CELF2: variants seen among roughly 807,000 people sequenced by gnomAD.
CELF2 encodes the protein CUG triplet repeat RNA-binding protein 2.
In CELF2, 8 loss-of-function variants were observed where a neutral mutation model predicts 62.6. That is an observed-to-expected ratio of 0.13 (90% confidence interval 0.07 to 0.23). The LOEUF (loss-of-function observed/expected upper bound fraction) is 0.23, where lower values mean the gene tolerates loss of function less well. Ranked by LOEUF, CELF2 falls within the 10% of genes least tolerant of loss-of-function variation. The pLI is 1.00. For synonymous variants in CELF2, 258 were observed against 250.0 expected (o/e 1.03, Z -0.30); for missense variants, 333 against 671.0 (o/e 0.50, Z 5.56).
At chr10:10,559,404 C>G in the CELF2 span, among the ~76,000 whole-genome samples, 1 of 152,194 alleles carries the variant, frequency 6.6e-6, no homozygotes, top group Non-Finnish European at 1.5e-5. Flanking sequence ...GTTAAACATC[C>G]CACAGAATGT....
At chr10:11,299,212 C>A (rs1246131331) in intron 9 of CELF2, among the ~76,000 whole-genome samples, 1 of 152,258 alleles carries the variant, frequency 6.6e-6, no homozygotes, top group African/African-American at 2.4e-5. Flanking sequence ...AGGCCTGAGG[C>A]CCCTGGGGAG....
chr10:10,786,182 G>T, the CELF2 span, among the ~76,000 whole-genome samples: 1 of 152,278 alleles, frequency 6.6e-6, no homozygotes, highest in African/African-American at 2.4e-5. Context: ...TCACAATTGC[G>T]CCACTGTCTA....
At chr10:11,109,373 A>C (rs1348831687) in intron 1 of CELF2, among the ~76,000 whole-genome samples, 5 of 152,182 alleles carry the variant, frequency 3.3e-5, no homozygotes. Flanking sequence ...TCATGGGTAA[A>C]GGCCTCCAAG....
chr10:11,163,263 T>C (rs1429011824), intron 1 of CELF2, among the ~76,000 whole-genome samples: 2 of 152,232 alleles, frequency 1.3e-5, no homozygotes, highest in East Asian at 3.8e-4. Flanking sequence ...GCAGCCCCAT[T>C]TTTTGAACTT....
chr10:11,092,485 T>G (rs1334839431), intron 1 of CELF2: 2 of 152,218 alleles, frequency 1.3e-5, no homozygotes, highest in African/African-American at 4.8e-5. Flanking sequence ...CAGATAGATT[T>G]ATTTAACGTT....
At chr10:10,954,241 ATTATTATTATT>A (rs2048651830) in intron 2 of CELF2, among the ~76,000 whole-genome samples, 2 of 141,864 alleles carry the variant, frequency 1.4e-5, no homozygotes, top group Admixed American at 7.0e-5. Flanking sequence ...TATTATTATT[ATTATTATTATT>A]ATTATTATTT....
intron 2 of CELF2, chr10:10,960,479 T>C (rs2049373188): frequency 6.6e-6 from 1 of 152,262 alleles, no homozygotes; most frequent in Non-Finnish European, 1.5e-5. Flanking sequence ...CATGCTTCAC[T>C]GGGCATAGTG....
intron 1 of CELF2, among the ~76,000 whole-genome samples, chr10:11,144,866 T>G (rs1348834228): frequency 1.7e-5 from 2 of 120,370 alleles, no homozygotes; most frequent in African/African-American, 3.2e-5. Context: ...CACTTAAGCC[T>G]GGGCAACAGA....
At chr10:11,171,736 A>G (rs868602611) in intron 2 of CELF2, among the ~76,000 whole-genome samples, 3 of 152,314 alleles carry the variant, frequency 2.0e-5, no homozygotes, top group South Asian at 4.1e-4. Flanking sequence ...CATGCAGTAG[A>G]AATAATACCC....
the CELF2 span, among the ~76,000 whole-genome samples, chr10:10,622,264 G>A: frequency 7.2e-5 from 11 of 152,154 alleles, no homozygotes; most frequent in African/African-American, 2.7e-4. Context: ...GACCATTAAT[G>A]TAACTCAGCA....
rs529545928 is a variant in CELF2 at position 10,823,989 on chromosome 10, C to G, written c.53+25172C>G. Among the ~76,000 whole-genome samples, 328 of 150,520 alleles carry G rather than the reference C, an allele frequency of 2.2e-3. 1 individual carries two copies. The highest frequency in any genetic ancestry group is 3.1e-3 in the Admixed American group (47 of 15,176). Reference sequence around the variant, plus strand: ...CAGATGATAGATAGATAGATAGATACATAGATACATAGATACATAGATAAA... The same window carrying G: ...CAGATGATAGATAGATAGATAGATAGATAGATACATAGATACATAGATAAA... On this transcript the variant is annotated intron_variant, in intron 1 of 13. Coordinates refer to the CELF2 transcript ENST00000636488.
chr10:10,661,500 A>C, the CELF2 span, among the ~76,000 whole-genome samples: 4 of 152,194 alleles, frequency 2.6e-5, no homozygotes, highest in African/African-American at 9.7e-5. Context: ...TTGAAGATAT[A>C]TGTCCAAGGC....
At chr10:10,637,196 T>C in the CELF2 span, among the ~76,000 whole-genome samples, 2 of 152,168 alleles carry the variant, frequency 1.3e-5, no homozygotes, top group Non-Finnish European at 2.9e-5. Flanking sequence ...CTAAAAATGT[T>C]GGAGTAAAAT....
intron 1 of CELF2, among the ~76,000 whole-genome samples, chr10:11,056,534 A>T (rs1322994878): frequency 2.0e-5 from 3 of 152,246 alleles, no homozygotes; most frequent in African/African-American, 7.2e-5. Flanking sequence ...AGCAAGAAAG[A>T]TGGATGTGGT....
the CELF2 span, among the ~76,000 whole-genome samples, chr10:10,564,010 G>A: frequency 6.6e-6 from 1 of 152,172 alleles, no homozygotes; most frequent in East Asian, 1.9e-4. Context: ...TTCGGTGTTT[G>A]TTTTCTCATT....
chr10:10,680,596 G>A, the CELF2 span, among the ~76,000 whole-genome samples: 3,436 of 152,266 alleles, frequency 0.023, 99 homozygotes, highest in South Asian at 0.078. Flanking sequence ...ACATAAACAC[G>A]TTGACTATAT....
chr10:11,061,064 G>T (rs753212942), intron 1 of CELF2, among the ~76,000 whole-genome samples: 1 of 152,190 alleles, frequency 6.6e-6, no homozygotes, highest in Non-Finnish European at 1.5e-5. Context: ...ATTAATTAAA[G>T]CTCAGTGAGA....
At chr10:10,690,879 G>C in the CELF2 span, among the ~76,000 whole-genome samples, 2 of 151,942 alleles carry the variant, frequency 1.3e-5, no homozygotes, top group East Asian at 3.9e-4. Flanking sequence ...ACTCTGTCTC[G>C]AAAAAACAAA....
At chr10:10,744,531 C>T in the CELF2 span, among the ~76,000 whole-genome samples, 1 of 152,192 alleles carries the variant, frequency 6.6e-6, no homozygotes, top group South Asian at 2.1e-4. Context: ...CATTTCTAGC[C>T]ACTGTGGTTA....
Sources: allele counts gnomAD v4.1 joint callset (sites outside exome capture counted in the v4.1 genomes callset), GRCh38; gene constraint gnomAD v4.1.1; transcripts MANE v1.5; gene names NCBI Gene and HGNC (gene_info 2026-07-23, HGNC 2026-07-21).